Variants in ASH1L observed in about 807,000 individuals in gnomAD.
The protein encoded by ASH1L is ASH1 like histone lysine methyltransferase, also known as histone-lysine N-methyltransferase ASH1L.
In ASH1L, 23 loss-of-function variants were observed where a neutral mutation model predicts 269.0. The ratio of observed to expected loss-of-function variants is 0.09; its 90% CI spans 0.06 to 0.12. The LOEUF (loss-of-function observed/expected upper bound fraction) is 0.12, where lower values mean the gene tolerates loss of function less well. Ranked by LOEUF, ASH1L falls within the 10% of genes least tolerant of loss-of-function variation. The probability of loss-of-function intolerance (pLI) is 1.00; values close to 1 mark genes in which losing one functional copy is unlikely to be tolerated. For missense variants in ASH1L, 2,912 were observed against 3,567.8 expected, an observed-to-expected ratio of 0.82 and a Z score of 4.68; for synonymous variants, 1,187 against 1,253.5, an observed-to-expected ratio of 0.95 and a Z score of 1.12.
intron 4 of ASH1L, among the ~76,000 whole-genome samples, chr1:155,439,422 G>A (rs1662364480): frequency 6.6e-6 from 1 of 152,126 alleles, no homozygotes; most frequent in South Asian, 2.1e-4. Flanking sequence ...TAAAGAGTGG[G>A]CACAGTGGCT....
chr1:155,479,874 T>C lies in ASH1L; in HGVS notation c.2996A>G (p.Asn999Ser), dbSNP rs750460589. 4 of 1,613,338 alleles carry C rather than the reference T, an allele frequency of 2.5e-6. No individual in the cohort carries two copies. The highest frequency in any genetic ancestry group is 3.4e-6 in the Non-Finnish European group (4 of 1,179,702). ...TTCTACAGAACTTGAAAGAATCTGA[T>C]TCAACAGTTTCTTTCTCTTTAAAGT... is the stretch of plus-strand genomic sequence containing the variant. ...MKTLKRKKLLNQILSSSVESS... is the reference protein window; with the variant it reads ...MKTLKRKKLLSQILSSSVESS... The change falls in exon 3 of 28, where the codon AAT becomes AGT. Residue 999 changes from asparagine (N) to serine (S), a missense_variant. Coordinates refer to ENST00000392403, the MANE Select transcript of ASH1L (RefSeq NM_018489.3).
At chr1:155,538,234 G>A (rs1299105223) in intron 1 of ASH1L, among the ~76,000 whole-genome samples, 2 of 151,820 alleles carry the variant, frequency 1.3e-5, no homozygotes, top group Non-Finnish European at 2.9e-5. Context: ...TTGGAGATGG[G>A]GTTTCACCAT....
chr1:155,453,114 G>A (rs571656211), intron 4 of ASH1L, among the ~76,000 whole-genome samples: 2 of 152,144 alleles, frequency 1.3e-5, no homozygotes, highest in African/African-American at 4.8e-5. Context: ...CAGCACTTTG[G>A]GGGGCCGAGG....
At chr1:155,453,273 T>C (rs961721227) in intron 4 of ASH1L, among the ~76,000 whole-genome samples, 8 of 152,106 alleles carry the variant, frequency 5.3e-5, no homozygotes, top group Non-Finnish European at 1.0e-4. Flanking sequence ...GAGAATCACT[T>C]GAACCCGGGA....
intron 6 of ASH1L, among the ~76,000 whole-genome samples, chr1:155,403,902 A>G (rs1659053221): frequency 6.6e-6 from 1 of 151,700 alleles, no homozygotes; most frequent in Non-Finnish European, 1.5e-5. Context: ...AAAAAAAAAA[A>G]AAAATAGCCA....
intron 1 of ASH1L, among the ~76,000 whole-genome samples, chr1:155,546,703 A>C (rs1670850881): frequency 6.6e-6 from 1 of 151,736 alleles, no homozygotes; most frequent in South Asian, 2.1e-4. Context: ...GGTTGCAGTG[A>C]GCTGAGATCA....
At chr1:155,547,617 G>T (rs1210019660) in intron 1 of ASH1L, among the ~76,000 whole-genome samples, 2 of 151,974 alleles carry the variant, frequency 1.3e-5, no homozygotes, top group African/African-American at 4.8e-5. Flanking sequence ...TGGCTACTCG[G>T]GAAGCTGAGG....
rs534568786 is a variant in ASH1L at position 155,513,785 on chromosome 1, T to A, written c.420+7315A>T. On this transcript the variant is annotated intron_variant, in intron 2 of 27. Coordinates refer to ENST00000392403, the MANE Select transcript of ASH1L (RefSeq NM_018489.3). ...TGGAAGCAATACCAGTGGCCATCCA[T>A]AGATGGACTAGATTAACTTATCTAG... 9.2e-5 allele frequency among the ~76,000 whole-genome samples: 14 copies of A among 152,160 alleles called. No homozygotes were observed. In the South Asian group the frequency reaches 2.9e-3, roughly 32 times the overall value.
chr1:155,477,320 A>AAAGGTATGCTGCAT (rs1178584051), intron 3 of ASH1L, among the ~76,000 whole-genome samples: 1 of 152,194 alleles, frequency 6.6e-6, no homozygotes, highest in Non-Finnish European at 1.5e-5. Context: ...GAAAACATCA[A>AAAGGTATGCTGCAT]AAGGTATGCT....
At chr1:155,394,872 G>A (rs1658220354) in intron 7 of ASH1L, among the ~76,000 whole-genome samples, 1 of 152,092 alleles carries the variant, frequency 6.6e-6, no homozygotes, top group Non-Finnish European at 1.5e-5. Flanking sequence ...ACACTGAATG[G>A]CTACTACTTG....
intron 5 of ASH1L, among the ~76,000 whole-genome samples, chr1:155,432,993 C>T (rs947453746): frequency 6.6e-6 from 1 of 152,120 alleles, no homozygotes; most frequent in Non-Finnish European, 1.5e-5. Flanking sequence ...TAAAGATGAC[C>T]CTTCCTAACA....
intron 5 of ASH1L, among the ~76,000 whole-genome samples, chr1:155,429,766 A>G (rs1317638034): frequency 6.6e-6 from 1 of 151,978 alleles, no homozygotes; most frequent in Non-Finnish European, 1.5e-5. Flanking sequence ...TCTACAGAAA[A>G]TTTACTTAGC....
chr1:155,496,756 A>T (rs905297611), intron 2 of ASH1L, among the ~76,000 whole-genome samples: 2 of 151,922 alleles, frequency 1.3e-5, no homozygotes, highest in Admixed American at 6.6e-5. Flanking sequence ...CTTCCACCTC[A>T]GCCTCCTGAG....
intron 2 of ASH1L, among the ~76,000 whole-genome samples, chr1:155,490,558 CAG>C (rs1666694701): frequency 6.6e-6 from 1 of 151,324 alleles, no homozygotes; most frequent in Non-Finnish European, 1.5e-5. Context: ...ACGGAGATTG[CAG>C]TGAGCAAAGA....
In ASH1L at chr1:155,443,979, C is replaced by CTTTTTTT. The variant is rs60206113; in HGVS notation, c.5087-4918_5087-4912dup. Among the ~76,000 whole-genome samples the CTTTTTTT allele has an allele frequency of 3.4e-4, 36 of 105,752 alleles. 1 individual carries two copies. Among genetic ancestry groups the CTTTTTTT allele is most frequent in the African/African-American group, 1.0e-3 (26 of 25,268 alleles). 69.4% of individuals were successfully genotyped at this position (105,752 alleles called of 152,430 possible). ...ATACCTAAGACTGGAATTACTAAATCTTTTTTTTTTTTTTTTTTTTTTGCG... is the reference window on the plus strand; with the variant it reads ...ATACCTAAGACTGGAATTACTAAATCTTTTTTTTTTTTTTTTTTTTTTTTTTTTTGCG... On this transcript the variant is annotated intron_variant, in intron 4 of 27. Coordinates refer to ENST00000392403, the MANE Select transcript of ASH1L (RefSeq NM_018489.3).
intron 6 of ASH1L, among the ~76,000 whole-genome samples, chr1:155,399,315 T>C (rs1261650164): frequency 6.6e-6 from 1 of 152,226 alleles, no homozygotes; most frequent in South Asian, 2.1e-4. Context: ...TGTAGATATC[T>C]AGATTATCTA....
At chr1:155,346,669 C>T (rs1189463996) in intron 20 of ASH1L, among the ~76,000 whole-genome samples, 200 bp from the exon 21 acceptor site, 17 of 151,982 alleles carry the variant, frequency 1.1e-4, no homozygotes, top group Admixed American at 9.8e-4. Flanking sequence ...AAAAGTATAC[C>T]GATTGACTCA....
intron 1 of ASH1L, among the ~76,000 whole-genome samples, chr1:155,534,081 T>C (rs969910406): frequency 2.7e-5 from 4 of 147,848 alleles, no homozygotes; most frequent in African/African-American, 1.0e-4. Flanking sequence ...TTTCTGAGAG[T>C]TCCCAGCTGC....
At chr1:155,419,964 T>A (rs1164715084) in intron 5 of ASH1L, among the ~76,000 whole-genome samples, 2 of 152,206 alleles carry the variant, frequency 1.3e-5, no homozygotes, top group Non-Finnish European at 2.9e-5. Flanking sequence ...CAAATTCAAC[T>A]GTATTTGTAT....
Sources: gnomAD v4.1 joint callset for allele counts (sites outside exome capture counted in the v4.1 genomes callset) on GRCh38, gnomAD v4.1.1 for gene constraint, MANE v1.5 for transcripts, NCBI Gene and HGNC (gene_info 2026-07-23, HGNC 2026-07-21) for gene names.